The following MPPED2 variants were observed in gnomAD, a reference collection of about 807,000 sequenced individuals.
MPPED2 encodes metallophosphoesterase domain containing 2, also known as metallophosphoesterase MPPED2.
MPPED2 carries 5 observed loss-of-function variants against 33.0 expected under a neutral mutation model. That is an observed-to-expected ratio of 0.15 (90% confidence interval 0.08 to 0.32). MPPED2 has a LOEUF of 0.32. Ranked by LOEUF, MPPED2 falls within the 10% of genes least tolerant of loss-of-function variation. MPPED2 has a pLI of 1.00. For synonymous variants in MPPED2, 136 were observed against 141.9 expected, an observed-to-expected ratio of 0.96 and a Z score of 0.29; for missense variants, 275 against 372.1, an observed-to-expected ratio of 0.74 and a Z score of 2.15.
At chr11:30,448,090 C>G (rs950039766) in intron 4 of MPPED2, among the ~76,000 whole-genome samples, 5 of 152,122 alleles carry the variant, frequency 3.3e-5, no homozygotes, top group Non-Finnish European at 5.9e-5. Context: ...ATTTACTATA[C>G]AGGGGGTATT....
intron 4 of MPPED2, among the ~76,000 whole-genome samples, chr11:30,474,064 ATGTT>A (rs1477981267): frequency 6.6e-6 from 1 of 152,320 alleles, no homozygotes; most frequent in East Asian, 1.9e-4. Context: ...AAGATAATAA[ATGTT>A]TGTTATTTAA....
chr11:30,429,530 A>C (rs1948987915), intron 4 of MPPED2, among the ~76,000 whole-genome samples: 1 of 152,200 alleles, frequency 6.6e-6, no homozygotes, highest in Non-Finnish European at 1.5e-5. Context: ...TCAGAGGTTA[A>C]AGCAAGCACA....
chr11:30,464,133 T>C (rs1950611886), intron 4 of MPPED2, among the ~76,000 whole-genome samples: 1 of 152,172 alleles, frequency 6.6e-6, no homozygotes. Context: ...ATATGATAAA[T>C]ACATCAGCTT....
intron 2 of MPPED2, among the ~76,000 whole-genome samples, chr11:30,550,994 T>A (rs892188457): frequency 2.8e-4 from 43 of 152,330 alleles, no homozygotes; most frequent in Admixed American, 1.1e-3. Flanking sequence ...ATTGGTAGAA[T>A]CTTTCATACT....
At chr11:30,401,606 A>G (rs1463921783) in intron 6 of MPPED2, among the ~76,000 whole-genome samples, 3 of 152,238 alleles carry the variant, frequency 2.0e-5, no homozygotes, top group Non-Finnish European at 4.4e-5. Flanking sequence ...TAAAGGAACT[A>G]TATCCATAGA....
chr11:30,509,749 A>G (rs950955454), intron 3 of MPPED2, among the ~76,000 whole-genome samples: 3 of 152,166 alleles, frequency 2.0e-5, no homozygotes, highest in Non-Finnish European at 2.9e-5. Context: ...CTTTAATTCC[A>G]GGCTTACCAA....
chr11:30,479,826 AAT>A (rs766675705), intron 4 of MPPED2, among the ~76,000 whole-genome samples: 14 of 152,126 alleles, frequency 9.2e-5, no homozygotes, highest in Admixed American at 2.0e-4. Flanking sequence ...TTTTTTAGAA[AAT>A]AAAAAAAAGA....
intron 4 of MPPED2, among the ~76,000 whole-genome samples, chr11:30,434,207 G>A (rs1284993461): frequency 1.3e-5 from 2 of 152,156 alleles, no homozygotes; most frequent in Non-Finnish European, 2.9e-5. Flanking sequence ...ATTAGGATGT[G>A]GACATCTTTA....
chr11:30,463,936 A>C (rs1410836166), intron 4 of MPPED2, among the ~76,000 whole-genome samples: 3 of 151,842 alleles, frequency 2.0e-5, no homozygotes, highest in Non-Finnish European at 4.4e-5. Context: ...TAGAAAATAT[A>C]GGTCAGGGAA....
At chr11:30,534,610 T>C (rs1342638841) in intron 3 of MPPED2, among the ~76,000 whole-genome samples, 2 of 152,214 alleles carry the variant, frequency 1.3e-5, no homozygotes, top group Non-Finnish European at 2.9e-5. Context: ...CTAGTACCTA[T>C]ACATTCATTC....
intron 2 of MPPED2, among the ~76,000 whole-genome samples, chr11:30,552,352 A>G (rs1440626296): frequency 6.6e-6 from 1 of 152,290 alleles, no homozygotes; most frequent in Non-Finnish European, 1.5e-5. Flanking sequence ...TGCTTTTTTT[A>G]CCCTAGTTAT....
chr11:30,518,904 T>C (rs980004144), intron 3 of MPPED2, among the ~76,000 whole-genome samples: 1 of 152,220 alleles, frequency 6.6e-6, no homozygotes, highest in Admixed American at 6.5e-5. Context: ...TCTATCTATT[T>C]TTATAGGCAA....
intron 4 of MPPED2, among the ~76,000 whole-genome samples, chr11:30,476,754 G>C (rs1194670495): frequency 6.6e-6 from 1 of 151,836 alleles, no homozygotes; most frequent in Non-Finnish European, 1.5e-5. Context: ...ATTACAATCA[G>C]CTTGTTTATT....
At chr11:30,403,288 A>G (rs892785250) in intron 6 of MPPED2, among the ~76,000 whole-genome samples, 1 of 151,902 alleles carries the variant, frequency 6.6e-6, no homozygotes, top group African/African-American at 2.4e-5. Flanking sequence ...GGAAGTTGTT[A>G]TCCTTTGTAC....
chr11:30,580,681 T>C (rs1957125423), intron 1 of MPPED2, among the ~76,000 whole-genome samples, 187 bp from the exon 2 acceptor site: 1 of 152,238 alleles, frequency 6.6e-6, no homozygotes, highest in Non-Finnish European at 1.5e-5. Flanking sequence ...TTACACTCTA[T>C]ACATATTGCT....
intron 3 of MPPED2, among the ~76,000 whole-genome samples, chr11:30,495,911 C>A (rs949427381): frequency 1.3e-5 from 2 of 152,078 alleles, no homozygotes; most frequent in Non-Finnish European, 2.9e-5. Flanking sequence ...CATAATCTAA[C>A]CAACTATTCT....
intron 3 of MPPED2, among the ~76,000 whole-genome samples, chr11:30,513,587 A>C (rs889060081): frequency 1.3e-5 from 2 of 152,200 alleles, no homozygotes; most frequent in Non-Finnish European, 2.9e-5. Flanking sequence ...AAACTGCTCC[A>C]AACAGCCATG....
At chr11:30,542,230 A>G (rs180993860) in intron 2 of MPPED2, among the ~76,000 whole-genome samples, 191 of 152,260 alleles carry the variant, frequency 1.3e-3, no homozygotes, top group African/African-American at 4.5e-3. Flanking sequence ...TTTTACAGAA[A>G]TATTTTTTAG....
intron 3 of MPPED2, among the ~76,000 whole-genome samples, chr11:30,528,414 C>T (rs1285134111): frequency 1.3e-5 from 2 of 152,104 alleles, no homozygotes; most frequent in African/African-American, 4.8e-5. Flanking sequence ...CACCACCACA[C>T]CTGACTAATT....
Sources: gnomAD v4.1 joint callset for allele counts (sites outside exome capture counted in the v4.1 genomes callset) on GRCh38, gnomAD v4.1.1 for gene constraint, MANE v1.5 for transcripts, NCBI Gene and HGNC (gene_info 2026-07-23, HGNC 2026-07-21) for gene names.